HPSE2: variants seen among roughly 807,000 people sequenced by gnomAD.
The protein encoded by HPSE2 is heparanase 2 (inactive), also known as inactive heparanase-2.
HPSE2 carries 38 observed loss-of-function variants against 60.5 expected under a neutral mutation model. That is an observed-to-expected ratio of 0.63 (90% CI 0.48 to 0.82). HPSE2 has a LOEUF of 0.82. Ranked by LOEUF, HPSE2 falls within the 40% of genes least tolerant of loss-of-function variation. The pLI, the probability that HPSE2 is intolerant of heterozygous loss-of-function variation, is 0.00. For missense variants in HPSE2, 713 were observed against 740.4 expected, an observed-to-expected ratio of 0.96 and a Z score of 0.43; for synonymous variants, 295 against 293.2, an observed-to-expected ratio of 1.01 and a Z score of -0.06.
intron 3 of HPSE2, among the ~76,000 whole-genome samples, chr10:99,122,654 CAA>C (rs1320307131): frequency 7.9e-5 from 12 of 151,754 alleles, no homozygotes; most frequent in African/African-American, 2.7e-4. Context: ...CCAAGTGACA[CAA>C]AATAACTGAA....
chr10:99,155,385 G>A (rs1846497595), intron 2 of HPSE2, among the ~76,000 whole-genome samples: 1 of 147,512 alleles, frequency 6.8e-6, no homozygotes, highest in South Asian at 2.3e-4. Context: ...TAAAAGAACA[G>A]AGATTATAAC....
intron 3 of HPSE2, among the ~76,000 whole-genome samples, chr10:98,866,221 T>G (rs1952584329): frequency 6.6e-6 from 1 of 151,880 alleles, no homozygotes; most frequent in Non-Finnish European, 1.5e-5. Flanking sequence ...CTACAATGTG[T>G]GAGACAAAAA....
intron 2 of HPSE2, among the ~76,000 whole-genome samples, chr10:99,208,072 A>C (rs1848822578): frequency 6.7e-6 from 1 of 150,328 alleles, no homozygotes; most frequent in Non-Finnish European, 1.5e-5. Context: ...TATTATAACA[A>C]GTTATACCAT....
intron 3 of HPSE2, among the ~76,000 whole-genome samples, chr10:98,967,057 G>A (rs947929254): frequency 6.6e-6 from 1 of 152,206 alleles, no homozygotes; most frequent in East Asian, 1.9e-4. Flanking sequence ...ACTGGCACCA[G>A]TGAACCACGA....
intron 3 of HPSE2, among the ~76,000 whole-genome samples, chr10:98,963,349 A>G (rs537103012): frequency 1.3e-5 from 2 of 152,334 alleles, no homozygotes; most frequent in East Asian, 3.9e-4. Context: ...ACACCTGCAG[A>G]TGACTGCTAT....
chr10:99,251,861 C>G, the HPSE2 span, among the ~76,000 whole-genome samples: 5 of 53,248 alleles, frequency 9.4e-5, no homozygotes, highest in Non-Finnish European at 9.8e-5. Context: ...ACTCTCTCTA[C>G]CAAAAAAAAA....
chr10:98,517,300 A>G (rs1942635090), intron 9 of HPSE2, among the ~76,000 whole-genome samples: 1 of 152,078 alleles, frequency 6.6e-6, no homozygotes, highest in South Asian at 2.1e-4. Flanking sequence ...CAGCTATAAC[A>G]ACCAAAAATG....
At chr10:99,065,238 T>C (rs2135533031) in intron 3 of HPSE2, among the ~76,000 whole-genome samples, 1 of 152,136 alleles carries the variant, frequency 6.6e-6, no homozygotes, top group East Asian at 1.9e-4. Flanking sequence ...TGAAAAACTG[T>C]GTTAAGCTCA....
At chr10:98,820,452 G>C in intron 3 of HPSE2, among the ~76,000 whole-genome samples, 1 of 152,142 alleles carries the variant, frequency 6.6e-6, no homozygotes, top group Admixed American at 6.6e-5. Flanking sequence ...TTACAAAGGA[G>C]ATAGGGGCTG....
the HPSE2 span, among the ~76,000 whole-genome samples, chr10:99,304,595 C>T: frequency 6.6e-6 from 1 of 152,332 alleles, no homozygotes; most frequent in South Asian, 2.1e-4. Flanking sequence ...TTAAAGGTAT[C>T]AAAGAGCTAC....
chr10:98,554,949 C>T (rs2133860636), intron 9 of HPSE2, among the ~76,000 whole-genome samples: 1 of 152,320 alleles, frequency 6.6e-6, no homozygotes, highest in Non-Finnish European at 1.5e-5. Context: ...TTACTACCAA[C>T]TTTAGCCTTA....
intron 6 of HPSE2, among the ~76,000 whole-genome samples, chr10:98,660,194 A>C (rs777631333): frequency 5.3e-5 from 8 of 152,210 alleles, no homozygotes; most frequent in Non-Finnish European, 1.2e-4. Context: ...AGTAAGAGGC[A>C]GCTGATCCCT....
chr10:98,915,982 C>T (rs556042584), intron 3 of HPSE2, among the ~76,000 whole-genome samples: 1 of 152,272 alleles, frequency 6.6e-6, no homozygotes, highest in East Asian at 1.9e-4. Context: ...GGATTCACAA[C>T]ATTCCTCAGA....
intron 3 of HPSE2, among the ~76,000 whole-genome samples, chr10:98,795,364 G>C (rs765010228): frequency 1.3e-5 from 2 of 152,178 alleles, no homozygotes; most frequent in Admixed American, 6.5e-5. Flanking sequence ...TGTGCACTTG[G>C]GGGAGAGACA....
At chr10:99,300,316 G>C in the HPSE2 span, among the ~76,000 whole-genome samples, 1 of 152,126 alleles carries the variant, frequency 6.6e-6, no homozygotes, top group Admixed American at 6.6e-5. Context: ...GTCCTCTACG[G>C]CTCCCACTGG....
rs558965619 is a variant in HPSE2 at position 98,807,633 on chromosome 10, G to A, written c.611-63577C>T. ...ACGATGGATTCCATTTCACTGATGT[G>A]ATGGCTCTCAAGTTTTATTTGGAGG... On this transcript the variant is annotated intron_variant, in intron 3 of 11. Coordinates refer to ENST00000370552, the MANE Select transcript of HPSE2 (RefSeq NM_021828.5). 6.0e-4 allele frequency among the ~76,000 whole-genome samples: 92 copies of A among 152,302 alleles called. 1 individual carries two copies. Among genetic ancestry groups the A allele is most frequent in the Admixed American group, 3.3e-3 (50 of 15,300 alleles).
rs1274246375 is a variant in HPSE2 at position 98,937,839 on chromosome 10, C to G, written c.611-193783G>C. 1.1e-4 allele frequency among the ~76,000 whole-genome samples: 16 copies of G among 143,144 alleles called. 4 individuals are homozygous for G. The highest frequency in any genetic ancestry group is 4.6e-4 in the African/African-American group (16 of 34,954). 93.9% of individuals were successfully genotyped at this position (143,144 alleles called of 152,430 possible). On this transcript the variant is annotated intron_variant, in intron 3 of 11. Transcript: ENST00000370552. Reference sequence around the variant, plus strand: ...AGCAGCCTAACTGGGAGGCACCCCCCAGTAGGGGCAGACTGACACCTCACA... The same window carrying G: ...AGCAGCCTAACTGGGAGGCACCCCCGAGTAGGGGCAGACTGACACCTCACA...
At chr10:99,140,922 A>G (rs1845843815) in intron 3 of HPSE2, among the ~76,000 whole-genome samples, 1 of 152,178 alleles carries the variant, frequency 6.6e-6, no homozygotes, top group South Asian at 2.1e-4. Context: ...CTGTGGTCCC[A>G]GCTACTCCGG....
intron 5 of HPSE2, among the ~76,000 whole-genome samples, chr10:98,710,628 C>T (rs1351745706): frequency 1.3e-5 from 2 of 152,134 alleles, no homozygotes; most frequent in African/African-American, 4.8e-5. Flanking sequence ...ATTTGGTAAG[C>T]AGATTATCTA....
Sources: allele counts gnomAD v4.1 joint callset (sites outside exome capture counted in the v4.1 genomes callset), GRCh38; gene constraint gnomAD v4.1.1; transcripts MANE v1.5; gene names NCBI Gene and HGNC (gene_info 2026-07-23, HGNC 2026-07-21).